ZFHX2: variants seen among roughly 807,000 people sequenced by gnomAD.
ZFHX2 encodes the protein zinc finger homeobox 2.
A neutral mutation model predicts 164.8 loss-of-function variants in ZFHX2; 75 were observed. The observed-to-expected ratio is 0.46, with a 90% CI of 0.38 to 0.55. The LOEUF (loss-of-function observed/expected upper bound fraction) is 0.55. ZFHX2 is among the 20% of genes least tolerant of loss of function. ZFHX2 has a pLI of 0.00. For synonymous variants in ZFHX2, 1,217 were observed against 1,351.4 expected (o/e 0.90, Z 2.18); for missense variants, 2,933 against 3,308.0 (o/e 0.89, Z 2.78).
In ZFHX2 at chr14:23,522,795, G is replaced by A. The variant is rs1259363720; in HGVS notation, c.6886C>T (p.Pro2296Ser). Residue 2296 changes from proline to serine, a missense_variant, in exon 10 of 10, where the codon CCT becomes TCT. By Grantham distance (74) the Pro-to-Ser change is moderately conservative. Transcript: ENST00000419474. ...GGCTCAGTAGGAGGGCCTGGGACAG[G>A]GTCAGTGGTGCCTGCTGTGGAGGTG... ...TNTSTAGTTD[P>S]VPGPPTEPLG... The A allele has an allele frequency of 6.5e-7, 1 of 1,536,344 alleles. No homozygotes were observed. Among genetic ancestry groups the A allele is most frequent in the Non-Finnish European group, 8.7e-7 (1 of 1,146,882 alleles).
At chr14:23,541,824 ATC>A (rs1880852441) in intron 1 of ZFHX2, among the ~76,000 whole-genome samples, 1 of 65,510 alleles carries the variant, frequency 1.5e-5, no homozygotes, top group Non-Finnish European at 2.6e-5. Flanking sequence ...CTATCATTCT[ATC>A]ATCTCTAAAT....
Position 23,534,360 on chromosome 14 carries a change from C to T in ZFHX2, c.966G>A (p.Glu322=). 1 of 1,536,722 alleles carries T rather than the reference C, an allele frequency of 6.5e-7. No homozygotes were observed. Among genetic ancestry groups the T allele is most frequent in the Admixed American group, 2.0e-5 (1 of 50,992 alleles). Residue 322 remains glutamate, a synonymous_variant, in exon 2 of 10, where the codon GAG becomes GAA. Transcript: ENST00000419474. The surrounding 1 kb of genome is among the most constrained non-coding windows in gnomAD (Gnocchi z 4.5). ...VNMEANVAQT[E]DGPPEAEVQA... The stretch of plus-strand genomic sequence containing the variant: ...GGACTTCTGCCTCAGGGGGGCCATC[C>T]TCTGTCTGGGCCACATTCGCCTCCA...
Position 23,533,526 on chromosome 14 carries a change from C to T in ZFHX2, c.1800G>A (p.Leu600=). 2 of 1,536,110 alleles carry T rather than the reference C, an allele frequency of 1.3e-6. No individual in the cohort carries two copies. The highest frequency in any genetic ancestry group is 1.7e-6 in the Non-Finnish European group (2 of 1,146,900). ...SEKHMQNVLM[L]HQGLPLGLPP... is the part of the protein sequence containing the mutation. ...GCAGGCCCAGCGGCAGCCCCTGGTG[C>T]AGCATTAGGACATTCTGCATGTGCT... Residue 600 remains leucine, a synonymous_variant, in exon 2 of 10, where the codon CTG becomes CTA. Transcript: ENST00000419474. The surrounding 1 kb of genome is among the most constrained non-coding windows in gnomAD (Gnocchi z 4.8).
In ZFHX2 at chr14:23,533,318, C is replaced by T. The variant is rs1037994291; in HGVS notation, c.2008G>A (p.Val670Ile). 2.9e-5 allele frequency: 42 copies of T among 1,438,146 alleles called. No homozygotes were observed. Among genetic ancestry groups the T allele is most frequent in the African/African-American group, 2.2e-4 (15 of 69,700 alleles). The allele number at this position is 1,438,146 out of a possible 1,614,324, so 89.1% of individuals were successfully genotyped here. ...AQLLLNGFHH[V>I]GAPARKFPTS... ...GGGAACTTGCGGGCAGGTGCTCCTA[C>T]GTGGTGGAAACCATTGAGAAGTAGC... Residue 670 changes from valine to isoleucine, a missense_variant, in exon 2 of 10, where the codon GTA becomes ATA. Physicochemically the swap from Val to Ile is conservative, Grantham distance 29. Coordinates refer to ENST00000419474, the MANE Select transcript of ZFHX2 (RefSeq NM_033400.3). This position sits in a 1 kb window ranked among gnomAD's most constrained non-coding sequence, Gnocchi z 4.8.
Position 23,527,726 on chromosome 14 carries a change from C to T in ZFHX2, c.3013G>A (p.Val1005Met), listed in dbSNP as rs58400374. The change falls in exon 7 of 10, where the codon GTG becomes ATG. Residue 1005 changes from valine to methionine, a missense_variant. Transcript: ENST00000419474. Reference sequence around the variant, plus strand: ...AGTGGGCATCTGTACTTGGGCTGCACTGCATGCTGGGAGAGTGTATGAGCC... The same window carrying T: ...AGTGGGCATCTGTACTTGGGCTGCATTGCATGCTGGGAGAGTGTATGAGCC... ...VRAHTLSQHA[V>M]QPKYRCPLCQ... 17,813 of 1,536,184 alleles carry T rather than the reference C, an allele frequency of 0.012. 690 individuals are homozygous for T. The African/African-American group carries it at 0.13, about 11-fold the overall frequency.
At chr14:23,530,337 C>T (rs1879374637) in intron 4 of ZFHX2, 143 bp from the exon 5 acceptor site, 11 of 730,818 alleles carry the variant, frequency 1.5e-5, no homozygotes, top group Middle Eastern at 2.3e-4. Flanking sequence ...GTATGAAAAG[C>T]CAACAAAAAG....
chr14:23,543,913 T>C (rs1473781801), intron 1 of ZFHX2: 2 of 151,978 alleles, frequency 1.3e-5, no homozygotes. Context: ...TTTCTTAATA[T>C]GTAAATGACC....
In ZFHX2 at chr14:23,522,224, G is replaced by A. The variant is rs1217876622; in HGVS notation, c.7457C>T (p.Pro2486Leu). The part of the protein sequence containing the change: ...FGRGSGGSMP[P>L]PLRVPICTYH... The stretch of plus-strand genomic sequence containing the variant: ...GGTGCAGATGGGCACCCGCAATGGG[G>A]GTGGCATGGAGCCCCCAGAGCCCCG... The change falls in exon 10 of 10, where the codon CCC (proline) becomes CTC (leucine). Residue 2486 changes from proline to leucine, a missense_variant. By Grantham distance (98) the Pro-to-Leu change is moderately conservative. Coordinates refer to ENST00000419474, the MANE Select transcript of ZFHX2 (RefSeq NM_033400.3). The A allele has an allele frequency of 3.4e-6, 5 of 1,478,660 alleles. No homozygotes were observed. The African/African-American group carries it at 4.2e-5, about 12-fold the overall frequency. 91.6% of individuals were successfully genotyped at this position (1,478,660 alleles called of 1,614,324 possible).
chr14:23,524,091 C>G lies in ZFHX2; in HGVS notation c.5851G>C (p.Asp1951His). The change falls in exon 9 of 10, where the codon GAT (aspartate) becomes CAT (histidine). Residue 1951 changes from aspartate (D) to histidine (H), a missense_variant. By Grantham distance (81) the Asp-to-His change is moderately conservative (BLOSUM62 -1). Transcript: ENST00000419474. This position sits in a 1 kb window ranked among gnomAD's most constrained non-coding sequence, Gnocchi z 5.6. Reference sequence around the variant, plus strand: ...GGGGCTTCCCTCCCAGTGCCATCATCTACCTTGCCTAATAAGAGGTTGAAC... The same window carrying G: ...GGGGCTTCCCTCCCAGTGCCATCATGTACCTTGCCTAATAAGAGGTTGAAC... ...PKFNLLLGKV[D>H]DGTGREAPKR... is the part of the protein sequence containing the mutation. The G allele has an allele frequency of 6.5e-7, 1 of 1,531,090 alleles. No individual in the cohort carries two copies. The highest frequency in any genetic ancestry group is 8.7e-7 in the Non-Finnish European group (1 of 1,144,178). The allele number at this position is 1,531,090 out of a possible 1,614,324, so 94.8% of individuals were successfully genotyped here.
chr14:23,523,325 G>A lies in ZFHX2; in HGVS notation c.6617C>T (p.Ala2206Val). Reference protein sequence around the residue: ...EAPPALKAPPATTPASMPLGA... With the variant: ...EAPPALKAPPVTTPASMPLGA... ...GAGGGGCATGGAGGCAGGTGTGGTG[G>A]CAGGTGGGGCCTTGAGAGCTGGGGG... is the stretch of plus-strand genomic sequence containing the variant. Residue 2206 changes from alanine (A) to valine (V), a missense_variant, in exon 9 of 10, where the codon GCC becomes GTC. Transcript: ENST00000419474. The surrounding 1 kb of genome is among the most constrained non-coding windows in gnomAD (Gnocchi z 4.1). 1.4e-6 allele frequency: 2 copies of A among 1,454,240 alleles called. No homozygotes were observed. The highest frequency in any genetic ancestry group is 1.8e-6 in the Non-Finnish European group (2 of 1,107,490). 90.1% of individuals were successfully genotyped at this position (1,454,240 alleles called of 1,614,324 possible).
In ZFHX2 at chr14:23,535,196, C is replaced by A; in HGVS notation, c.130G>T (p.Ala44Ser). 6.5e-7 allele frequency: 1 copy of A among 1,530,006 alleles called. No individual in the cohort carries two copies. Among genetic ancestry groups the A allele is most frequent in the Non-Finnish European group, 8.8e-7 (1 of 1,141,802 alleles). 94.8% of individuals were successfully genotyped at this position (1,530,006 alleles called of 1,614,324 possible). The change falls in exon 2 of 10, where the codon GCC (alanine) becomes TCC (serine). Residue 44 changes from alanine (A) to serine (S), a missense_variant. Ala to Ser is a moderately conservative substitution (Grantham distance 99). Transcript: ENST00000419474. The surrounding 1 kb of genome is among the most constrained non-coding windows in gnomAD (Gnocchi z 4.5). ...SDPVTKDPPAASSTSENMRSS... is the reference protein window; with the variant it reads ...SDPVTKDPPASSSTSENMRSS... ...CTCATGTTCTCAGAGGTGGAGGAGGCAGCAGGGGGATCTTTGGTGACAGGA... is the reference window on the plus strand; with the variant it reads ...CTCATGTTCTCAGAGGTGGAGGAGGAAGCAGGGGGATCTTTGGTGACAGGA...
Position 23,521,271 on chromosome 14 carries a change from AG to A in ZFHX2, c.*690del, listed in dbSNP as rs1203781366. ...AGGAGAGGGTTAGGAGGGAGAGGGTAGGAAGAGTGAACCAGAAGCACTTCTC... is the reference window on the plus strand; with the variant it reads ...AGGAGAGGGTTAGGAGGGAGAGGGTAGAAGAGTGAACCAGAAGCACTTCTC... On this transcript the variant is annotated 3_prime_UTR_variant, in exon 10 of 10. Coordinates refer to ENST00000419474, the MANE Select transcript of ZFHX2 (RefSeq NM_033400.3). 1.3e-5 allele frequency: 2 copies of A among 152,420 alleles called. No homozygotes were observed. The highest frequency in any genetic ancestry group is 2.9e-5 in the Non-Finnish European group (2 of 68,246). The allele number at this position is 152,420 out of a possible 1,614,324, so 9.4% of individuals were successfully genotyped here.
intron 1 of ZFHX2, among the ~76,000 whole-genome samples, chr14:23,548,840 A>AC (rs1226374107): frequency 6.6e-6 from 1 of 150,578 alleles, no homozygotes; most frequent in Non-Finnish European, 1.5e-5. Flanking sequence ...TTTTTTTCCA[A>AC]CCCCCCGGCG....
At chr14:23,540,306 C>T (rs1400346369) in intron 1 of ZFHX2, among the ~76,000 whole-genome samples, 1 of 152,208 alleles carries the variant, frequency 6.6e-6, no homozygotes, top group African/African-American at 2.4e-5. Flanking sequence ...AACAGTTTTG[C>T]CTTTCACTTT....
rs117732196 is a variant in ZFHX2 at position 23,520,954 on chromosome 14, G to A, written c.*1008C>T. On this transcript the variant is annotated 3_prime_UTR_variant, in exon 10 of 10. Coordinates refer to ENST00000419474, the MANE Select transcript of ZFHX2 (RefSeq NM_033400.3). This position sits in a 1 kb window ranked among gnomAD's most constrained non-coding sequence, Gnocchi z 8.7. Reference sequence around the variant, plus strand: ...TGGTGTCCGTTTCTCTCTTTTGTGCGCGTGTGCACGTACTCTCTCTCGCTC... The same window carrying A: ...TGGTGTCCGTTTCTCTCTTTTGTGCACGTGTGCACGTACTCTCTCTCGCTC... 5,211 of 150,836 alleles carry A rather than the reference G, an allele frequency of 0.035. 151 individuals carry two copies. The highest frequency in any genetic ancestry group is 0.048 in the Non-Finnish European group (3,250 of 67,816). 9.3% of individuals were successfully genotyped at this position (150,836 alleles called of 1,614,324 possible).
chr14:23,541,322 CTT>C (rs1374382796), intron 1 of ZFHX2, among the ~76,000 whole-genome samples: 2 of 144,820 alleles, frequency 1.4e-5, no homozygotes, highest in Non-Finnish European at 3.0e-5. Context: ...GAGTTTCGCT[CTT>C]GTTGCCCAGG....
intron 6 of ZFHX2, chr14:23,529,423 G>T: frequency 2.6e-6 from 1 of 391,744 alleles, no homozygotes; most frequent in Non-Finnish European, 4.7e-6. Context: ...CTTCCAGCAT[G>T]TACCCCCACT....
In ZFHX2 at chr14:23,535,924, C is replaced by T. The variant is rs1201440527; in HGVS notation, c.-49-550G>A. ...CTTTATTTGTCCCCTGAACCTGCTC[C>T]TCCCCATCTTTCCTATCTCCAAAGT... On this transcript the variant is annotated intron_variant, in intron 1 of 9. Transcript: ENST00000419474. This position sits in a 1 kb window ranked among gnomAD's most constrained non-coding sequence, Gnocchi z 4.5. Among the ~76,000 whole-genome samples, 2 of 152,186 alleles carry T rather than the reference C, an allele frequency of 1.3e-5. No homozygotes were observed. Among genetic ancestry groups the T allele is most frequent in the Non-Finnish European group, 2.9e-5 (2 of 68,038 alleles).
Position 23,534,303 on chromosome 14 carries a change from C to G in ZFHX2, c.1023G>C (p.Met341Ile). Residue 341 changes from methionine (M) to isoleucine (I), a missense_variant, in exon 2 of 10, where the codon ATG becomes ATC. Met to Ile is a conservative substitution (Grantham distance 10). Transcript: ENST00000419474. The surrounding 1 kb of genome is among the most constrained non-coding windows in gnomAD (Gnocchi z 4.5). ...TGGGTGGAGAGGGTGGGCTGAGGGC[C>G]ATAACTTCTTCATCCAGGAGGATAA... ...QALILLDEEVMALSPPSPPTA... is the reference protein window; with the variant it reads ...QALILLDEEVIALSPPSPPTA... The G allele has an allele frequency of 6.5e-7, 1 of 1,535,442 alleles. No individual in the cohort carries two copies. Among genetic ancestry groups the G allele is most frequent in the South Asian group, 1.2e-5 (1 of 84,024 alleles).
Sources: allele counts gnomAD v4.1 joint callset (sites outside exome capture counted in the v4.1 genomes callset), GRCh38; gene constraint gnomAD v4.1.1; non-coding constraint Gnocchi (gnomAD v3.1); transcripts MANE v1.5; gene names NCBI Gene and HGNC (gene_info 2026-07-23, HGNC 2026-07-21).